Variants in FOXR1 observed in about 807,000 individuals in gnomAD.
FOXR1 encodes the protein forkhead box R1.
In FOXR1, 25 loss-of-function variants were observed where a neutral mutation model predicts 34.5. That is an observed-to-expected ratio of 0.72 (90% CI 0.53 to 1.01). The LOEUF (loss-of-function observed/expected upper bound fraction) is 1.01. FOXR1 is among the 50% of genes least tolerant of loss of function. The probability of loss-of-function intolerance (pLI) is 0.00; values close to 1 mark genes in which losing one functional copy is unlikely to be tolerated. For synonymous variants in FOXR1, 153 were observed against 141.6 expected, an observed-to-expected ratio of 1.08 and a Z score of -0.57; for missense variants, 373 against 376.2, an observed-to-expected ratio of 0.99 and a Z score of 0.07.
At chr11:118,972,204 G>A (rs544616779) in intron 1 of FOXR1, among the ~76,000 whole-genome samples, 5 of 150,170 alleles carry the variant, frequency 3.3e-5, no homozygotes, top group Admixed American at 2.7e-4. Context: ...GGAGTGGTTT[G>A]GGGGGTGGGG....
chr11:118,979,890 G>A (rs1308212006), intron 4 of FOXR1, among the ~76,000 whole-genome samples: 1 of 151,826 alleles, frequency 6.6e-6, no homozygotes, highest in Non-Finnish European at 1.5e-5. Context: ...AGTTTTCAGT[G>A]TTCTTTGGGT....
In FOXR1 at chr11:118,979,534, G is replaced by A; in HGVS notation, c.477G>A (p.Arg159=). ...PHKRAPLQSR[R]LRQASSQAGR... is the part of the protein sequence containing the mutation. ...AAAGGGCCCCCCTCCAGAGTCGGAGGCTTCGGCAAGCCAGCAGCCAGGCGG... is the reference window on the plus strand; with the variant it reads ...AAAGGGCCCCCCTCCAGAGTCGGAGACTTCGGCAAGCCAGCAGCCAGGCGG... Residue 159 remains arginine, a synonymous_variant, in exon 4 of 6, where the codon AGG becomes AGA. Transcript: ENST00000317011. 6.2e-7 allele frequency: 1 copy of A among 1,613,644 alleles called. No individual in the cohort carries two copies. The highest frequency in any genetic ancestry group is 8.5e-7 in the Non-Finnish European group (1 of 1,179,778).
intron 1 of FOXR1, among the ~76,000 whole-genome samples, chr11:118,973,797 G>A (rs1305015139): frequency 6.6e-6 from 1 of 151,072 alleles, no homozygotes; most frequent in Non-Finnish European, 1.5e-5. Context: ...AGGTTCAAGC[G>A]ATTCTTGTGC....
chr11:118,973,904 G>A (rs1941747061), intron 1 of FOXR1, among the ~76,000 whole-genome samples: 1 of 151,506 alleles, frequency 6.6e-6, no homozygotes, highest in Admixed American at 6.6e-5. Flanking sequence ...ATGTTGGCCA[G>A]CCAGGCTGGT....
At chr11:118,972,121 C>A in intron 1 of FOXR1, 129 bp downstream of exon 1, 2 of 523,414 alleles carry the variant, frequency 3.8e-6, no homozygotes, top group Non-Finnish European at 2.8e-6. Flanking sequence ...GGGGGCCGAG[C>A]GCCCCGCGCC....
Position 118,971,802 on chromosome 11 carries a change from G to C in FOXR1, c.-130G>C. ...CTGTGAGGGTCGCTCCTCAGCCGCC[G>C]CGCTCCCACTCCGCGTCCCCACTCC... On this transcript the variant is annotated 5_prime_UTR_variant, in exon 1 of 6. Coordinates refer to ENST00000317011, the MANE Select transcript of FOXR1 (RefSeq NM_181721.3). 1.0e-6 allele frequency: 1 copy of C among 968,278 alleles called. No individual in the cohort carries two copies. The highest frequency in any genetic ancestry group is 1.6e-6 in the Non-Finnish European group (1 of 630,040). 60.0% of individuals were successfully genotyped at this position (968,278 alleles called of 1,614,324 possible).
At chr11:118,972,878 C>T (rs1457216122) in intron 1 of FOXR1, among the ~76,000 whole-genome samples, 4 of 151,508 alleles carry the variant, frequency 2.6e-5, no homozygotes, top group South Asian at 2.1e-4. Flanking sequence ...TGAGCCACCG[C>T]CCCCGGCCTT....
chr11:118,981,215 G>C lies in FOXR1; in HGVS notation c.858G>C (p.Met286Ile), dbSNP rs782001853. 3 of 1,614,138 alleles carry C rather than the reference G, an allele frequency of 1.9e-6. No individual in the cohort carries two copies. Among genetic ancestry groups the C allele is most frequent in the East Asian group, 4.5e-5 (2 of 44,888 alleles). The change falls in exon 6 of 6, where the codon ATG becomes ATC. Residue 286 changes from methionine (M) to isoleucine (I), a missense_variant. Coordinates refer to ENST00000317011, the MANE Select transcript of FOXR1 (RefSeq NM_181721.3). ...TCTCTCCTTTTCTTACAGATGTGAT[G>C]CCCTTCCTCTTTGATCTTTAACCCC... is the stretch of plus-strand genomic sequence containing the variant. Reference protein sequence around the residue: ...IQQCMSQPDVMPFLFDL With the variant: ...IQQCMSQPDVIPFLFDL
At chr11:118,972,131 C>CCCG (rs1237002380) in intron 1 of FOXR1, 139 bp downstream of exon 1, 6 of 430,534 alleles carry the variant, frequency 1.4e-5, no homozygotes, top group Non-Finnish European at 2.1e-5. Flanking sequence ...CGCCCCGCGC[C>CCCG]CCCCCCCCCC....
chr11:118,975,296 T>C (rs1431000415), intron 1 of FOXR1, among the ~76,000 whole-genome samples: 1 of 152,082 alleles, frequency 6.6e-6, no homozygotes, highest in Non-Finnish European at 1.5e-5. Context: ...TTAGTGGTTT[T>C]AGTAAGTGGT....
chr11:118,981,002 C>A (rs1247958961), intron 5 of FOXR1, among the ~76,000 whole-genome samples: 2 of 152,184 alleles, frequency 1.3e-5, no homozygotes, highest in Non-Finnish European at 2.9e-5. Flanking sequence ...CAATAGTGAG[C>A]ACACAACATG....
rs1592024346 is a variant in FOXR1 at position 118,971,838 on chromosome 11, G to C, written c.-94G>C. 5.0e-6 allele frequency: 7 copies of C among 1,395,210 alleles called. No individual in the cohort carries two copies. The East Asian group carries it at 1.7e-4, about 35-fold the overall frequency. 86.4% of individuals were successfully genotyped at this position (1,395,210 alleles called of 1,614,324 possible). ...CCGCGTCCCCACTCCGCGCCGCCGC[G>C]CCTCTGCCAGCCCCGAAGGTGGACG... On this transcript the variant is annotated 5_prime_UTR_variant, in exon 1 of 6. Coordinates refer to ENST00000317011, the MANE Select transcript of FOXR1 (RefSeq NM_181721.3).
At chr11:118,975,705 A>G (rs1941771839) in intron 1 of FOXR1, among the ~76,000 whole-genome samples, 1 of 152,194 alleles carries the variant, frequency 6.6e-6, no homozygotes, top group Non-Finnish European at 1.5e-5. Context: ...AGAGAGGGGA[A>G]GATTTGTGGA....
chr11:118,972,095 C>T, intron 1 of FOXR1, 103 bp downstream of exon 1: 2 of 1,116,138 alleles, frequency 1.8e-6, no homozygotes, highest in South Asian at 1.3e-5. Flanking sequence ...TCGCCCCCAC[C>T]TCCCGGGGAG....
intron 1 of FOXR1, among the ~76,000 whole-genome samples, chr11:118,972,452 T>C (rs1246177716): frequency 6.6e-6 from 1 of 152,062 alleles, no homozygotes; most frequent in East Asian, 1.9e-4. Context: ...CTTAACATAT[T>C]GCCTGACACC....
chr11:118,980,519 C>T lies in FOXR1; in HGVS notation c.641C>T (p.Pro214Leu), dbSNP rs139682868. The change falls in exon 5 of 6, where the codon CCG becomes CTG. Residue 214 changes from proline (P) to leucine (L), a missense_variant. By Grantham distance (98) the Pro-to-Leu change is moderately conservative. Coordinates refer to ENST00000317011, the MANE Select transcript of FOXR1 (RefSeq NM_181721.3). Reference sequence around the variant, plus strand: ...CACTTCCCCTTTTTCCGGACGGCCCCGGAAGGCTGGAAGAATACTGTCCGT... The same window carrying T: ...CACTTCCCCTTTTTCCGGACGGCCCTGGAAGGCTGGAAGAATACTGTCCGT... ...RKHFPFFRTA[P>L]EGWKNTVRHN... The T allele has an allele frequency of 3.7e-6, 6 of 1,614,142 alleles. No individual in the cohort carries two copies. In the African/African-American group the frequency reaches 4.0e-5, roughly 11 times the overall value.
intron 1 of FOXR1, among the ~76,000 whole-genome samples, chr11:118,976,583 A>G (rs1297935181): frequency 6.6e-6 from 1 of 152,228 alleles, no homozygotes; most frequent in African/African-American, 2.4e-5. Context: ...AACAATGGAG[A>G]TTGATTAGTA....
At chr11:118,981,171 G>A (rs782603425) in intron 5 of FOXR1, 37 bp from the exon 6 acceptor site, 4 of 1,611,216 alleles carry the variant, frequency 2.5e-6, no homozygotes, top group Non-Finnish European at 3.4e-6. Context: ...CAGCAATTGT[G>A]AAGTATAAAC....
Position 118,980,613 on chromosome 11 carries a change from G to A in FOXR1, c.735G>A (p.Arg245=), listed in dbSNP as rs1247208038. The change falls in exon 5 of 6, where the codon CGG becomes CGA. Residue 245 remains arginine (R), a synonymous_variant. Coordinates refer to ENST00000317011, the MANE Select transcript of FOXR1 (RefSeq NM_181721.3). ...PVSMQGGAST[R]PRSCLWKLTE... Reference sequence around the variant, plus strand: ...GCATGCAGGGCGGGGCCAGCACACGGCCTCGATCTTGCCTCTGGAAGTTGA... The same window carrying A: ...GCATGCAGGGCGGGGCCAGCACACGACCTCGATCTTGCCTCTGGAAGTTGA... 1 of 1,614,254 alleles carries A rather than the reference G, an allele frequency of 6.2e-7. No individual in the cohort carries two copies. Among genetic ancestry groups the A allele is most frequent in the Non-Finnish European group, 8.5e-7 (1 of 1,180,050 alleles).
Sources: allele counts gnomAD v4.1 joint callset (sites outside exome capture counted in the v4.1 genomes callset), GRCh38; gene constraint gnomAD v4.1.1; transcripts MANE v1.5; gene names NCBI Gene and HGNC (gene_info 2026-07-23, HGNC 2026-07-21).